FER: variants seen among roughly 807,000 people sequenced by gnomAD.
FER encodes FER tyrosine kinase.
FER carries 63 observed loss-of-function variants against 111.0 expected under a neutral mutation model. That is an observed-to-expected ratio of 0.57 (90% confidence interval 0.46 to 0.70). The LOEUF (loss-of-function observed/expected upper bound fraction) is 0.70, where lower values mean the gene tolerates loss of function less well. FER is among the 30% of genes least tolerant of loss of function. FER has a pLI of 0.00. For missense variants in FER, 914 were observed against 954.0 expected (o/e 0.96, Z 0.55); for synonymous variants, 327 against 313.9 (o/e 1.04, Z -0.44).
chr5:109,148,327 G>T (rs539260249), intron 17 of FER, among the ~76,000 whole-genome samples: 1 of 152,166 alleles, frequency 6.6e-6, no homozygotes, highest in South Asian at 2.1e-4. Flanking sequence ...CATAAATTTG[G>T]TTTTCAGGTT....
chr5:109,181,083 A>G (rs1436672741), intron 18 of FER, among the ~76,000 whole-genome samples, 182 bp downstream of exon 18: 1 of 152,206 alleles, frequency 6.6e-6, no homozygotes, highest in Non-Finnish European at 1.5e-5. Flanking sequence ...TCTATATGTA[A>G]CATTGCTATA....
At chr5:108,899,492 T>C (rs772543764) in intron 10 of FER, among the ~76,000 whole-genome samples, 1 of 152,092 alleles carries the variant, frequency 6.6e-6, no homozygotes, top group Non-Finnish European at 1.5e-5. Context: ...ACCATGACGT[T>C]GTGGAATTGG....
intron 13 of FER, among the ~76,000 whole-genome samples, chr5:109,002,198 CA>C (rs1211774644): frequency 6.6e-6 from 1 of 151,814 alleles, no homozygotes; most frequent in African/African-American, 2.4e-5. Context: ...AAGCTGGAGG[CA>C]TCACGCTACC....
chr5:108,889,533 A>C (rs185129949), intron 9 of FER, among the ~76,000 whole-genome samples: 42 of 152,124 alleles, frequency 2.8e-4, no homozygotes, highest in Non-Finnish European at 5.0e-4. Flanking sequence ...GAGTAGAAGG[A>C]TGGTTATCAG....
chr5:108,785,675 C>A, intron 2 of FER: 2 of 336,202 alleles, frequency 5.9e-6, no homozygotes, highest in South Asian at 5.3e-5. Context: ...GTTGAGGTTC[C>A]TAGTTAATCT....
intron 6 of FER, 148 bp downstream of exon 6, chr5:108,868,098 T>C: frequency 1.4e-6 from 1 of 702,962 alleles, no homozygotes; most frequent in Non-Finnish European, 2.3e-6. Context: ...ATTTTCACTT[T>C]TCATGTCCCT....
At chr5:109,024,494 T>C (rs1017017225) in intron 13 of FER, among the ~76,000 whole-genome samples, 2 of 152,262 alleles carry the variant, frequency 1.3e-5, no homozygotes, top group Non-Finnish European at 2.9e-5. Context: ...TCTCCTTTTT[T>C]CTGGTAGCCA....
chr5:109,000,563 A>G (rs1764630953), intron 13 of FER, among the ~76,000 whole-genome samples: 1 of 152,172 alleles, frequency 6.6e-6, no homozygotes, highest in African/African-American at 2.4e-5. Flanking sequence ...AAAGATCTAA[A>G]ATTGACACCC....
At chr5:108,923,439 C>T (rs78835029) in intron 10 of FER, among the ~76,000 whole-genome samples, 2,487 of 152,124 alleles carry the variant, frequency 0.016, 56 homozygotes, top group African/African-American at 0.057. Flanking sequence ...GGAAGTTTTA[C>T]GGAGTAAGAC....
At chr5:108,855,288 C>G (rs1057204967) in intron 5 of FER, among the ~76,000 whole-genome samples, 2 of 152,082 alleles carry the variant, frequency 1.3e-5, no homozygotes, top group Non-Finnish European at 2.9e-5. Context: ...AGAGTCTTAA[C>G]AAAGACTGAG....
chr5:108,943,212 C>T (rs1756510020), intron 10 of FER, among the ~76,000 whole-genome samples: 1 of 152,110 alleles, frequency 6.6e-6, no homozygotes, highest in Non-Finnish European at 1.5e-5. Context: ...AAACTCTTCT[C>T]TGGGGTTTTC....
chr5:109,132,892 G>C (rs1054466370), intron 17 of FER, among the ~76,000 whole-genome samples: 8 of 152,142 alleles, frequency 5.3e-5, no homozygotes, highest in Non-Finnish European at 7.4e-5. Flanking sequence ...AACAAATCAG[G>C]AGCAGAGACT....
chr5:109,158,394 C>A (rs1323445350), intron 17 of FER, among the ~76,000 whole-genome samples: 1 of 151,872 alleles, frequency 6.6e-6, no homozygotes, highest in Non-Finnish European at 1.5e-5. Context: ...CAGAGTGAGA[C>A]ACTGTCTCAA....
rs531628520 is a variant in FER, at chr5:108,892,939, G to T, written c.1047-4720G>T. 1.1e-4 allele frequency among the ~76,000 whole-genome samples: 17 copies of T among 152,250 alleles called. No homozygotes were observed. In the South Asian group the frequency reaches 3.1e-3, roughly 28 times the overall value. On this transcript the variant is annotated intron_variant, in intron 9 of 19. Coordinates refer to ENST00000281092, the MANE Select transcript of FER (RefSeq NM_005246.4). ...TTAAATAGGGAATCCTTTCCCCAGT[G>T]CTTGTTTTTGTCAGGTTTGTCAAAG...
intron 16 of FER, among the ~76,000 whole-genome samples, chr5:109,058,488 T>C (rs756449547): frequency 7.2e-5 from 11 of 151,894 alleles, no homozygotes; most frequent in Non-Finnish European, 1.6e-4. Flanking sequence ...TTATGTGGTA[T>C]TAATTCTACA....
intron 5 of FER, among the ~76,000 whole-genome samples, chr5:108,844,556 A>G (rs1320731008): frequency 1.3e-5 from 2 of 152,158 alleles, no homozygotes; most frequent in Non-Finnish European, 2.9e-5. Flanking sequence ...TGACATATGT[A>G]CACACCTGTG....
intron 16 of FER, among the ~76,000 whole-genome samples, chr5:109,082,915 C>G (rs1403449121): frequency 6.6e-6 from 1 of 151,902 alleles, no homozygotes; most frequent in Non-Finnish European, 1.5e-5. Flanking sequence ...AAAGAACCCC[C>G]TTTACACTTT....
chr5:109,139,874 C>T (rs1282626912), intron 17 of FER, among the ~76,000 whole-genome samples: 7 of 152,064 alleles, frequency 4.6e-5, no homozygotes, highest in African/African-American at 9.7e-5. Context: ...GGATCTACAC[C>T]GTGCTAGATG....
chr5:109,179,585 G>A (rs145691530), intron 17 of FER, among the ~76,000 whole-genome samples: 1 of 152,186 alleles, frequency 6.6e-6, no homozygotes, highest in East Asian at 1.9e-4. Flanking sequence ...GTATCTGTAA[G>A]TTCCACATCT....
Sources: gnomAD v4.1 joint callset for allele counts (sites outside exome capture counted in the v4.1 genomes callset) on GRCh38, gnomAD v4.1.1 for gene constraint, MANE v1.5 for transcripts, NCBI Gene and HGNC (gene_info 2026-07-23, HGNC 2026-07-21) for gene names.